The following RAP1GAP2 variants were observed in gnomAD, a reference collection of about 807,000 sequenced individuals.
The protein encoded by RAP1GAP2 is rap1 GTPase-activating protein 2.
Under a neutral mutation model 95.0 loss-of-function variants are expected in RAP1GAP2, and 27 were observed. The ratio of observed to expected loss-of-function variants is 0.28; its 90% confidence interval spans 0.21 to 0.39. The LOEUF (loss-of-function observed/expected upper bound fraction) is 0.39, where lower values mean the gene tolerates loss of function less well. Ranked by LOEUF, RAP1GAP2 falls within the 10% of genes least tolerant of loss-of-function variation. The pLI, the probability that RAP1GAP2 is intolerant of heterozygous loss-of-function variation, is 1.00. For synonymous variants in RAP1GAP2, 373 were observed against 380.9 expected, an observed-to-expected ratio of 0.98 and a Z score of 0.24; for missense variants, 771 against 970.0, an observed-to-expected ratio of 0.79 and a Z score of 2.72.
intron 2 of RAP1GAP2, among the ~76,000 whole-genome samples, chr17:2,814,627 C>T (rs775188173): frequency 7.9e-5 from 12 of 152,242 alleles, no homozygotes; most frequent in East Asian, 1.9e-4. Context: ...GAGCCTCTAG[C>T]GTGCCCAGCT....
chr17:2,955,867 C>T (rs773967123), intron 3 of RAP1GAP2, among the ~76,000 whole-genome samples: 6 of 152,134 alleles, frequency 3.9e-5, no homozygotes, highest in Non-Finnish European at 8.8e-5. Context: ...TTCTTTTAAC[C>T]AATTTTCTGC....
At position 2,825,771 on chromosome 17, in the gene RAP1GAP2, C is replaced by G. The variant is rs1180122152; in HGVS notation, c.80+25221C>G. Among the ~76,000 whole-genome samples the G allele has an allele frequency of 6.6e-6, 1 of 152,080 alleles. No individual in the cohort carries two copies. Among genetic ancestry groups the G allele is most frequent in the Non-Finnish European group, 1.5e-5 (1 of 68,028 alleles). ...CAGAGCGTTTAGGTGTGAAGAGGGT[C>G]TGGTGCCCGCATCCAAGGAACTCAC... On this transcript the variant is annotated intron_variant, in intron 2 of 24. Coordinates refer to ENST00000254695, the MANE Select transcript of RAP1GAP2 (RefSeq NM_015085.5). This position sits in a 1 kb window ranked among gnomAD's most constrained non-coding sequence, Gnocchi z 4.1.
rs144985548 is a variant in RAP1GAP2, at chr17:2,958,817, G to A, written c.201+1023G>A. Among the ~76,000 whole-genome samples the A allele has an allele frequency of 5.9e-5, 9 of 152,194 alleles. No individual in the cohort carries two copies. In the East Asian group the frequency reaches 1.7e-3, roughly 29 times the overall value. On this transcript the variant is annotated intron_variant, in intron 4 of 24. Coordinates refer to ENST00000254695, the MANE Select transcript of RAP1GAP2 (RefSeq NM_015085.5). ...AGCACCCACGGCAGTCCTGAGATGT[G>A]GGCCAAGCAGCCAGGTGTCCCTGAG...
rs977040974 is a variant in RAP1GAP2, at chr17:2,830,891, T to G, written c.80+30341T>G. ...TCACTTTGAGGTTCTTTCCAGTGCTTCTTTATTCACATGTAAGATGAGCAT... is the reference window on the plus strand; with the variant it reads ...TCACTTTGAGGTTCTTTCCAGTGCTGCTTTATTCACATGTAAGATGAGCAT... On this transcript the variant is annotated intron_variant, in intron 2 of 24. Coordinates refer to ENST00000254695, the MANE Select transcript of RAP1GAP2 (RefSeq NM_015085.5). Among the ~76,000 whole-genome samples the G allele has an allele frequency of 2.0e-5, 3 of 150,288 alleles. No individual in the cohort carries two copies. In the South Asian group the frequency reaches 6.3e-4, roughly 32 times the overall value.
chr17:2,894,694 T>G (rs1288716123), intron 2 of RAP1GAP2, among the ~76,000 whole-genome samples: 1 of 152,162 alleles, frequency 6.6e-6, no homozygotes, highest in Admixed American at 6.5e-5. Flanking sequence ...GTCATTCTGT[T>G]TTCTGAAACC....
chr17:3,006,502 T>C (rs944393305), intron 16 of RAP1GAP2, among the ~76,000 whole-genome samples: 2 of 147,358 alleles, frequency 1.4e-5, no homozygotes, highest in African/African-American at 2.5e-5. Flanking sequence ...GGCCCGATCT[T>C]GGCTCACTGC....
At chr17:2,859,108 CTTT>C (rs773356177) in intron 2 of RAP1GAP2, among the ~76,000 whole-genome samples, 1 of 130,480 alleles carries the variant, frequency 7.7e-6, no homozygotes, top group Non-Finnish European at 1.6e-5. Flanking sequence ...TCCTCCAACT[CTTT>C]TTTTTTTTTT....
chr17:3,024,309 C>T (rs1405074871), intron 19 of RAP1GAP2, among the ~76,000 whole-genome samples: 1 of 152,134 alleles, frequency 6.6e-6, no homozygotes, highest in Non-Finnish European at 1.5e-5. Context: ...GACAGATTGA[C>T]AGGAGGTTAT....
At chr17:2,889,863 G>GTATATATATATATATATATA (rs748546441) in intron 2 of RAP1GAP2, among the ~76,000 whole-genome samples, 11 of 79,832 alleles carry the variant, frequency 1.4e-4, no homozygotes, top group African/African-American at 2.1e-4. Context: ...TTATGTGTGT[G>GTATATATATATATATATATA]TATATATATA....
At chr17:2,826,783 G>T (rs572284490) in intron 2 of RAP1GAP2, among the ~76,000 whole-genome samples, 1 of 152,126 alleles carries the variant, frequency 6.6e-6, no homozygotes, top group Non-Finnish European at 1.5e-5. Flanking sequence ...TGAGGCGGGC[G>T]GATCACGAGG....
At chr17:2,790,002 G>A (rs1307060639) in intron 1 of RAP1GAP2, among the ~76,000 whole-genome samples, 1 of 152,014 alleles carries the variant, frequency 6.6e-6, no homozygotes, top group African/African-American at 2.4e-5. Context: ...GCTAGGTGCT[G>A]TTTTTATCTT....
At chr17:2,971,403 G>A (rs901645788) in intron 8 of RAP1GAP2, among the ~76,000 whole-genome samples, 3 of 151,934 alleles carry the variant, frequency 2.0e-5, no homozygotes, top group African/African-American at 7.3e-5. Context: ...GCAATACTTA[G>A]AAAAAAATTT....
chr17:2,991,611 G>A (rs575612464), intron 12 of RAP1GAP2, among the ~76,000 whole-genome samples: 1 of 152,288 alleles, frequency 6.6e-6, no homozygotes, highest in South Asian at 2.1e-4. Flanking sequence ...GTTCACGTTC[G>A]GCCCTGGGCC....
chr17:2,948,937 GAAAGATCCCTC>G (rs968581449), intron 3 of RAP1GAP2, among the ~76,000 whole-genome samples: 1 of 152,220 alleles, frequency 6.6e-6, no homozygotes, highest in Admixed American at 6.5e-5. Flanking sequence ...GGGGCATTGG[GAAAGATCCCTC>G]AAGATTTCCC....
intron 2 of RAP1GAP2, among the ~76,000 whole-genome samples, chr17:2,901,432 T>A (rs975489265): frequency 6.6e-6 from 1 of 152,182 alleles, no homozygotes; most frequent in African/African-American, 2.4e-5. Flanking sequence ...TCATGGGTCC[T>A]TGTGGGTCCC....
At chr17:2,763,282 C>G (rs1377903857) in intron 1 of RAP1GAP2, among the ~76,000 whole-genome samples, 2 of 152,126 alleles carry the variant, frequency 1.3e-5, no homozygotes, top group African/African-American at 4.8e-5. Flanking sequence ...GACCAGAGGG[C>G]TGTGTAAGGA....
At chr17:3,010,804 T>C (rs1267394610) in intron 17 of RAP1GAP2, among the ~76,000 whole-genome samples, 5 of 152,214 alleles carry the variant, frequency 3.3e-5, no homozygotes, top group African/African-American at 1.2e-4. Flanking sequence ...ACAGGCCTGC[T>C]TCCAGATTCT....
chr17:2,852,977 G>A (rs1427334227), intron 2 of RAP1GAP2, among the ~76,000 whole-genome samples: 1 of 152,170 alleles, frequency 6.6e-6, no homozygotes, highest in Non-Finnish European at 1.5e-5. Context: ...GTGCGCAGCG[G>A]CCAGGCCCGG....
chr17:2,918,959 A>C (rs1213214080), intron 3 of RAP1GAP2, among the ~76,000 whole-genome samples: 2 of 152,194 alleles, frequency 1.3e-5, no homozygotes, highest in Admixed American at 1.3e-4. Flanking sequence ...TTTGTTTCTG[A>C]AATGTGCGGA....
Sources: allele counts gnomAD v4.1 joint callset (sites outside exome capture counted in the v4.1 genomes callset), GRCh38; gene constraint gnomAD v4.1.1; non-coding constraint Gnocchi (gnomAD v3.1); transcripts MANE v1.5; gene names NCBI Gene and HGNC (gene_info 2026-07-23, HGNC 2026-07-21).